The following PAPPA2 variants were observed in gnomAD, a reference collection of about 807,000 sequenced individuals.
PAPPA2 encodes the protein pappalysin-2.
In PAPPA2, 86 loss-of-function variants were observed where a neutral mutation model predicts 176.4. The observed-to-expected ratio is 0.49, with a 90% CI of 0.41 to 0.58. The LOEUF (loss-of-function observed/expected upper bound fraction) is 0.58, where lower values mean the gene tolerates loss of function less well. Among genes scored for constraint, PAPPA2 ranks in the 20% least tolerant of loss-of-function variants. The pLI, the probability that PAPPA2 is intolerant of heterozygous loss-of-function variation, is 0.00. For missense variants in PAPPA2, 2,073 were observed against 2,256.9 expected (o/e 0.92, Z 1.65); for synonymous variants, 809 against 852.2 (o/e 0.95, Z 0.88).
chr1:176,496,932 T>C (rs1264454388), intron 1 of PAPPA2, among the ~76,000 whole-genome samples: 1 of 152,132 alleles, frequency 6.6e-6, no homozygotes, highest in Non-Finnish European at 1.5e-5. Flanking sequence ...AAAACCTTTA[T>C]ACTAAACATC....
At chr1:176,688,595 A>G (rs1659955512) in intron 4 of PAPPA2, among the ~76,000 whole-genome samples, 1 of 152,214 alleles carries the variant, frequency 6.6e-6, no homozygotes, top group African/African-American at 2.4e-5. Flanking sequence ...CAATTTTACC[A>G]TAAGTAGTAG....
chr1:176,666,725 A>C (rs1376648976), intron 3 of PAPPA2, among the ~76,000 whole-genome samples: 1 of 151,902 alleles, frequency 6.6e-6, no homozygotes, highest in East Asian at 1.9e-4. Context: ...AAGAGTCATG[A>C]AGATAGGAAA....
chr1:176,472,899 C>A (rs78117288), intron 1 of PAPPA2, among the ~76,000 whole-genome samples: 1 of 152,038 alleles, frequency 6.6e-6, no homozygotes, highest in Non-Finnish European at 1.5e-5. Context: ...ACATTAATAG[C>A]AAAATTGAGC....
At chr1:176,586,669 C>T (rs1221886223) in intron 2 of PAPPA2, among the ~76,000 whole-genome samples, 2 of 152,192 alleles carry the variant, frequency 1.3e-5, no homozygotes, top group Non-Finnish European at 2.9e-5. Flanking sequence ...ATATGTACCA[C>T]ATTTTCTTTA....
intron 3 of PAPPA2, among the ~76,000 whole-genome samples, chr1:176,653,914 CT>C (rs1177682616): frequency 2.0e-5 from 3 of 151,706 alleles, no homozygotes; most frequent in African/African-American, 4.8e-5. Flanking sequence ...GCCAATTCTG[CT>C]GGATTTCTTC....
At chr1:176,481,198 T>C (rs1652377874) in intron 1 of PAPPA2, among the ~76,000 whole-genome samples, 2 of 151,720 alleles carry the variant, frequency 1.3e-5, no homozygotes, top group Admixed American at 6.6e-5. Context: ...GTTTGCCCAC[T>C]ACTTTAGATT....
intron 17 of PAPPA2, among the ~76,000 whole-genome samples, chr1:176,779,517 CACAGAG>C (rs1455480477): frequency 1.6e-3 from 180 of 109,832 alleles, no homozygotes; most frequent in African/African-American, 4.9e-3. Context: ...CACACACACA[CACAGAG>C]AGAGAGAGAG....
intron 21 of PAPPA2, chr1:176,836,754 T>A: frequency 6.6e-6 from 1 of 152,278 alleles, no homozygotes; most frequent in East Asian, 1.9e-4. Context: ...GGATTAGGTA[T>A]TTAACTCCTG....
chr1:176,667,809 T>G (rs1484371115), intron 3 of PAPPA2, among the ~76,000 whole-genome samples: 1 of 152,224 alleles, frequency 6.6e-6, no homozygotes, highest in African/African-American at 2.4e-5. Context: ...GGCTTCCTTC[T>G]TGAATAATTC....
At chr1:176,477,446 T>C (rs1432640940) in intron 1 of PAPPA2, among the ~76,000 whole-genome samples, 1 of 152,212 alleles carries the variant, frequency 6.6e-6, no homozygotes, top group Non-Finnish European at 1.5e-5. Context: ...CTATACTATT[T>C]AGTTTAATTA....
chr1:176,709,133 G>T (rs1661025181), intron 10 of PAPPA2, among the ~76,000 whole-genome samples: 1 of 152,130 alleles, frequency 6.6e-6, no homozygotes, highest in Admixed American at 6.6e-5. Context: ...CTTGTCCAGT[G>T]CATACTAGCT....
chr1:176,588,061 T>C (rs990473619), intron 2 of PAPPA2, among the ~76,000 whole-genome samples: 3 of 152,208 alleles, frequency 2.0e-5, no homozygotes, highest in Non-Finnish European at 4.4e-5. Context: ...TGTTTTTCCA[T>C]TTGTTTGTGT....
intron 21 of PAPPA2, among the ~76,000 whole-genome samples, chr1:176,835,300 A>C (rs1667230193): frequency 1.3e-5 from 2 of 152,240 alleles, no homozygotes; most frequent in African/African-American, 4.8e-5. Flanking sequence ...TTGTAAAATA[A>C]GAAGTTTCTA....
chr1:176,840,917 TAAGC>T (rs1667465370), intron 22 of PAPPA2, among the ~76,000 whole-genome samples: 1 of 152,184 alleles, frequency 6.6e-6, no homozygotes, highest in Non-Finnish European at 1.5e-5. Flanking sequence ...AAATCTGAAA[TAAGC>T]AAGAGATGTT....
intron 3 of PAPPA2, among the ~76,000 whole-genome samples, chr1:176,631,105 G>A (rs1346842031): frequency 1.3e-5 from 2 of 152,178 alleles, no homozygotes; most frequent in Admixed American, 1.3e-4. Context: ...AAGAAAGCTG[G>A]GAGGCTATGT....
rs140289953 is a variant in PAPPA2 at position 176,830,106 on chromosome 1, T to C, written c.5203-10067T>C. 6.3e-3 allele frequency among the ~76,000 whole-genome samples: 953 copies of C among 152,248 alleles called. 13 individuals carry two copies. Among genetic ancestry groups the C allele is most frequent in the African/African-American group, 0.021 (888 of 41,552 alleles). Reference sequence around the variant, plus strand: ...GGAAATAATTGGGCATGGTGGTTTATACCTGTAGTCCCAGCTACTTGGGAG... The same window carrying C: ...GGAAATAATTGGGCATGGTGGTTTACACCTGTAGTCCCAGCTACTTGGGAG... On this transcript the variant is annotated intron_variant, in intron 21 of 22. Coordinates refer to ENST00000367662, the MANE Select transcript of PAPPA2 (RefSeq NM_020318.3).
intron 17 of PAPPA2, among the ~76,000 whole-genome samples, chr1:176,771,802 C>T (rs1481718631): frequency 6.6e-6 from 1 of 152,094 alleles, no homozygotes; most frequent in South Asian, 2.1e-4. Context: ...CCTCCAATGT[C>T]GTGGGGGATC....
chr1:176,734,619 C>T (rs1208611367), intron 12 of PAPPA2, among the ~76,000 whole-genome samples: 1 of 152,024 alleles, frequency 6.6e-6, no homozygotes, highest in Admixed American at 6.6e-5. Flanking sequence ...GCCTTATATC[C>T]CCCCTTCATC....
At chr1:176,809,658 G>A (rs1476983162) in intron 21 of PAPPA2, among the ~76,000 whole-genome samples, 2 of 152,092 alleles carry the variant, frequency 1.3e-5, no homozygotes, top group Non-Finnish European at 2.9e-5. Context: ...AAAAATTGAG[G>A]GTTTTCGTAC....
Sources: gnomAD v4.1 joint callset for allele counts (sites outside exome capture counted in the v4.1 genomes callset) on GRCh38, gnomAD v4.1.1 for gene constraint, MANE v1.5 for transcripts, NCBI Gene and HGNC (gene_info 2026-07-23, HGNC 2026-07-21) for gene names.